The following GMEB1 variants were observed in gnomAD, a reference collection of about 807,000 sequenced individuals.
The protein encoded by GMEB1 is glucocorticoid modulatory element-binding protein 1.
In GMEB1, 6 loss-of-function variants were observed where a neutral mutation model predicts 52.4. That is an observed-to-expected ratio of 0.11 (90% CI 0.06 to 0.23). The LOEUF (loss-of-function observed/expected upper bound fraction) is 0.23. Among genes scored for constraint, GMEB1 ranks in the 10% least tolerant of loss-of-function variants. GMEB1 has a pLI of 1.00. For synonymous variants in GMEB1, 255 were observed against 244.9 expected (o/e 1.04, Z -0.38); for missense variants, 486 against 685.6 (o/e 0.71, Z 3.25).
chr1:28,676,246 T>C (rs1570380204), intron 1 of GMEB1, among the ~76,000 whole-genome samples: 2 of 152,284 alleles, frequency 1.3e-5, no homozygotes, highest in Admixed American at 1.3e-4. Context: ...ATCTGCTTCT[T>C]TAACAATTAA....
chr1:28,694,738 A>G lies in GMEB1; in HGVS notation c.440+1693A>G, dbSNP rs545532333. Among the ~76,000 whole-genome samples the G allele has an allele frequency of 3.5e-4, 53 of 151,344 alleles. No homozygotes were observed. In the South Asian group the frequency reaches 6.0e-3, roughly 17 times the overall value. On this transcript the variant is annotated intron_variant, in intron 5 of 9. Transcript: ENST00000373816. ...GGCTGCAGTGGCACGATCTCAGCTCACTGCAACTTCCGCCTCCCAGGTTCA... is the reference window on the plus strand; with the variant it reads ...GGCTGCAGTGGCACGATCTCAGCTCGCTGCAACTTCCGCCTCCCAGGTTCA...
rs533786053 is a variant in GMEB1 at position 28,718,254 on chromosome 1, A to C, written c.*3481A>C. On this transcript the variant is annotated 3_prime_UTR_variant, in exon 10 of 10. Coordinates refer to ENST00000373816, the MANE Select transcript of GMEB1 (RefSeq NM_001319674.2). ...CTAGGCACTGACAGTAGAGAGATGAAGACATAGTCCTTGCACTTAAGGAAT... is the reference window on the plus strand; with the variant it reads ...CTAGGCACTGACAGTAGAGAGATGACGACATAGTCCTTGCACTTAAGGAAT... 4.6e-5 allele frequency: 7 copies of C among 152,340 alleles called. No homozygotes were observed. The highest frequency in any genetic ancestry group is 1.7e-4 in the African/African-American group (7 of 41,590). 9.4% of individuals were successfully genotyped at this position (152,340 alleles called of 1,614,324 possible). A position where few individuals can be genotyped will look rare whatever the true frequency, so the allele number is the denominator to read the frequency against.
chr1:28,684,196 T>G (rs1669523933), intron 2 of GMEB1, among the ~76,000 whole-genome samples: 1 of 152,116 alleles, frequency 6.6e-6, no homozygotes, highest in East Asian at 1.9e-4. Context: ...TTTTTCTTTT[T>G]TTATTTTCAT....
chr1:28,690,316 A>G lies in GMEB1; in HGVS notation c.211+130A>G, dbSNP rs938245359. 1.1e-5 allele frequency: 6 copies of G among 541,982 alleles called. No individual in the cohort carries two copies. The African/African-American group carries it at 1.2e-4, about 11-fold the overall frequency. The allele number at this position is 541,982 out of a possible 1,614,324, so 33.6% of individuals were successfully genotyped here. On this transcript the variant is annotated intron_variant, in intron 3 of 9. Coordinates refer to ENST00000373816, the MANE Select transcript of GMEB1 (RefSeq NM_001319674.2). ...TTCTCCCATCCCTGTGTGCCCTACC[A>G]GTACTACAGCCCTCGATTTTGATGG...
Position 28,718,416 on chromosome 1 carries a change from A to G in GMEB1, c.*3643A>G, listed in dbSNP as rs1037132511. The G allele has an allele frequency of 1.3e-5, 2 of 152,190 alleles. No homozygotes were observed. Among genetic ancestry groups the G allele is most frequent in the Non-Finnish European group, 2.9e-5 (2 of 68,036 alleles). 9.4% of individuals were successfully genotyped at this position (152,190 alleles called of 1,614,324 possible). Reference sequence around the variant, plus strand: ...AGTTTAAGACTAGCCTGGTCAACATAGCCAGACCCCATCTCTATAAAAAAA... The same window carrying G: ...AGTTTAAGACTAGCCTGGTCAACATGGCCAGACCCCATCTCTATAAAAAAA... On this transcript the variant is annotated 3_prime_UTR_variant, in exon 10 of 10. Transcript: ENST00000373816.
intron 9 of GMEB1, among the ~76,000 whole-genome samples, chr1:28,710,948 T>C (rs1005773915): frequency 6.6e-6 from 1 of 152,148 alleles, no homozygotes; most frequent in Non-Finnish European, 1.5e-5. Context: ...GTCTTTGTCT[T>C]TTTTACATTA....
intron 8 of GMEB1, among the ~76,000 whole-genome samples, chr1:28,709,584 A>C (rs188216648): frequency 1.3e-5 from 2 of 151,500 alleles, no homozygotes; most frequent in Non-Finnish European, 2.9e-5. Flanking sequence ...AAAAAAAAAA[A>C]ATTTTTTTGA....
intron 1 of GMEB1, among the ~76,000 whole-genome samples, chr1:28,680,813 G>C (rs1174754904): frequency 6.6e-6 from 1 of 151,974 alleles, no homozygotes; most frequent in Non-Finnish European, 1.5e-5. Flanking sequence ...GGAGGCCGAG[G>C]TGGGCAGATC....
intron 1 of GMEB1, among the ~76,000 whole-genome samples, chr1:28,677,296 C>T (rs569973195): frequency 6.7e-5 from 10 of 150,266 alleles, no homozygotes; most frequent in South Asian, 2.1e-4. Flanking sequence ...ATTGCTCTGT[C>T]GCCCAGGTTG....
intron 1 of GMEB1, among the ~76,000 whole-genome samples, chr1:28,671,453 G>T (rs1668881019): frequency 6.6e-6 from 1 of 152,100 alleles, no homozygotes; most frequent in South Asian, 2.1e-4. Context: ...TGTGATTTAT[G>T]CCTGTAATGC....
intron 8 of GMEB1, among the ~76,000 whole-genome samples, chr1:28,709,482 A>G (rs895882898): frequency 6.6e-6 from 1 of 152,160 alleles, no homozygotes; most frequent in African/African-American, 2.4e-5. Context: ...CATATGGGAA[A>G]TAGCAAAACT....
At chr1:28,712,425 C>T (rs572136021) in intron 9 of GMEB1, among the ~76,000 whole-genome samples, 51 of 152,260 alleles carry the variant, frequency 3.3e-4, no homozygotes, top group African/African-American at 1.1e-3. Context: ...GGGGGGAGGG[C>T]TGAAAGTCCT....
chr1:28,683,631 A>G lies in GMEB1; in HGVS notation c.19A>G (p.Ser7Gly). MANAEV[S>G]VPVGDVVVVP... ...GTGAAAGATGGCTAATGCAGAAGTG[A>G]GTGTCCCAGTGGGGGATGTGGTTGT... The change falls in exon 2 of 10, where the codon AGT becomes GGT. Residue 7 changes from serine (S) to glycine (G), a missense_variant. Physicochemically the swap from Ser to Gly is moderately conservative, Grantham distance 56 (BLOSUM62 0). Around this residue, in one of 5 missense-constraint regions of GMEB1, gnomAD observed 88 missense variants for 96.5 expected, o/e 0.91. Coordinates refer to ENST00000373816, the MANE Select transcript of GMEB1 (RefSeq NM_001319674.2). 6.2e-7 allele frequency: 1 copy of G among 1,607,996 alleles called. No homozygotes were observed. Among genetic ancestry groups the G allele is most frequent in the Non-Finnish European group, 8.5e-7 (1 of 1,177,816 alleles).
intron 2 of GMEB1, among the ~76,000 whole-genome samples, chr1:28,688,928 A>C (rs574626830): frequency 7.4e-6 from 1 of 135,234 alleles, no homozygotes; most frequent in Admixed American, 8.4e-5. Context: ...GTCTTGCTCC[A>C]TCGCCCAGGC....
chr1:28,700,925 T>A (rs1194859663), intron 6 of GMEB1, among the ~76,000 whole-genome samples: 1 of 151,474 alleles, frequency 6.6e-6, no homozygotes, highest in Non-Finnish European at 1.5e-5. Flanking sequence ...TTTATGCAGC[T>A]TTTTTTTTCC....
At chr1:28,711,838 A>T (rs911786588) in intron 9 of GMEB1, among the ~76,000 whole-genome samples, 47 of 152,184 alleles carry the variant, frequency 3.1e-4, no homozygotes, top group African/African-American at 1.1e-3. Context: ...GTTTTTCTGC[A>T]TATACCGAGC....
chr1:28,677,615 A>G (rs1159333616), intron 1 of GMEB1, among the ~76,000 whole-genome samples: 1 of 152,226 alleles, frequency 6.6e-6, no homozygotes, highest in Non-Finnish European at 1.5e-5. Flanking sequence ...GGTGCTTGAC[A>G]ATGAGTGCTA....
At chr1:28,694,264 C>T (rs1347768297) in intron 5 of GMEB1, among the ~76,000 whole-genome samples, 1 of 148,616 alleles carries the variant, frequency 6.7e-6, no homozygotes, top group African/African-American at 2.5e-5. Context: ...AGTCTCGGCT[C>T]ACTGCAACCT....
intron 9 of GMEB1, among the ~76,000 whole-genome samples, chr1:28,711,397 T>C (rs552241361): frequency 1.3e-5 from 2 of 152,302 alleles, no homozygotes; most frequent in African/African-American, 4.8e-5. Context: ...TTTTTAATCA[T>C]TGTATACATA....
Sources: gnomAD v4.1 joint callset for allele counts (sites outside exome capture counted in the v4.1 genomes callset) on GRCh38, gnomAD v4.1.1 for gene constraint, gnomAD v4.1.1 regional missense constraint, MANE v1.5 for transcripts, NCBI Gene and HGNC (gene_info 2026-07-23, HGNC 2026-07-21) for gene names.